The following MASP2 variants were observed in gnomAD, a reference collection of about 807,000 sequenced individuals.
The protein encoded by MASP2 is mannan-binding lectin serine protease 2.
MASP2 carries 49 observed loss-of-function variants against 57.1 expected under a neutral mutation model. The observed-to-expected ratio is 0.86, with a 90% CI of 0.68 to 1.09. MASP2 has a LOEUF of 1.09. Among genes scored for constraint, MASP2 ranks in the 50% least tolerant of loss-of-function variants. The pLI is 0.00. For missense variants in MASP2, 900 were observed against 874.8 expected, an observed-to-expected ratio of 1.03 and a Z score of -0.36; for synonymous variants, 379 against 340.8, an observed-to-expected ratio of 1.11 and a Z score of -1.24.
At chr1:11,036,621 G>T (rs1225249906) in intron 7 of MASP2, among the ~76,000 whole-genome samples, 1 of 140,284 alleles carries the variant, frequency 7.1e-6, no homozygotes, top group African/African-American at 2.8e-5. Context: ...GGTGGGAAAA[G>T]TGTCTCTCTT....
chr1:11,041,374 A>AGATGGATGGATGGATG (rs144619009), intron 6 of MASP2, among the ~76,000 whole-genome samples: 3 of 107,474 alleles, frequency 2.8e-5, no homozygotes, highest in East Asian at 3.4e-4. Context: ...AAGAATTGGC[A>AGATGGATGGATGGATG]GATGGATGGA....
rs1289505941 is a variant in MASP2, at chr1:11,027,516, CA to C, written c.1429del (p.Trp477GlyfsTer3). 6.2e-7 allele frequency: 1 copy of C among 1,614,112 alleles called. No homozygotes were observed. The highest frequency in any genetic ancestry group is 2.2e-5 in the East Asian group (1 of 44,884). On this transcript the variant is annotated frameshift_variant, in exon 11 of 11. Transcript: ENST00000400897. LOFTEE classifies it low-confidence loss of function (END_TRUNC). ...GACGGCATGAGCAGCTGTTAGGACC[CA>C]GTTGTCATATAAAAGTGCACCTGCT... ...TAAGALLYDN[W>X]VLTAAHAVYE...
At chr1:11,035,959 C>A (rs1643883247) in intron 7 of MASP2, among the ~76,000 whole-genome samples, 1 of 150,424 alleles carries the variant, frequency 6.6e-6, no homozygotes, top group Non-Finnish European at 1.5e-5. Context: ...CAGGTGTGAT[C>A]AGACTTGCAA....
At chr1:11,047,158 G>A (rs377519915) in intron 1 of MASP2, 39 bp from the exon 2 acceptor site, 162 of 1,554,138 alleles carry the variant, frequency 1.0e-4, no homozygotes, top group Non-Finnish European at 1.4e-4. Flanking sequence ...CCAGGCCTGT[G>A]CTCCCACCCC....
chr1:11,045,970 C>G (rs1417904708), intron 3 of MASP2: 4 of 206,682 alleles, frequency 1.9e-5, no homozygotes, highest in African/African-American at 9.3e-5. Context: ...TGGCAGGGCC[C>G]CACTTTGTCA....
rs767658499 is a variant in MASP2, at chr1:11,027,112, C to A, written c.1834G>T (p.Val612Leu). The stretch of plus-strand genomic sequence containing the variant: ...CCAGCACAAAGCATGTTAGCAGTTA[C>A]ACTTCCCCTTGGATAGGGTGGCTTT... ...YEKPPYPRGS[V>L]TANMLCAGLE... Residue 612 changes from valine (V) to leucine (L), a missense_variant, in exon 11 of 11, where the codon GTA becomes TTA. Val to Leu is a conservative substitution (Grantham distance 32). Coordinates refer to ENST00000400897, the MANE Select transcript of MASP2 (RefSeq NM_006610.4). 18 of 1,609,914 alleles carry A rather than the reference C, an allele frequency of 1.1e-5. No individual in the cohort carries two copies. Among genetic ancestry groups the A allele is most frequent in the East Asian group, 4.5e-5 (2 of 44,864 alleles).
intron 8 of MASP2, among the ~76,000 whole-genome samples, chr1:11,032,607 T>C (rs1254294819): frequency 9.4e-6 from 1 of 106,390 alleles, no homozygotes; most frequent in East Asian, 3.4e-4. Flanking sequence ...TGAGACCCCG[T>C]CAAAAAAAAA....
At chr1:11,031,019 A>G (rs1643835047) in intron 8 of MASP2, 137 bp from the exon 9 acceptor site, 3 of 782,566 alleles carry the variant, frequency 3.8e-6, no homozygotes, top group South Asian at 2.0e-5. Flanking sequence ...CCTGGGCAAC[A>G]TGGCAAGACC....
chr1:11,029,455 A>T (rs1038988988), intron 10 of MASP2, among the ~76,000 whole-genome samples: 2 of 146,798 alleles, frequency 1.4e-5, no homozygotes, highest in African/African-American at 2.5e-5. Flanking sequence ...AATTCTGGTT[A>T]AAAAAAAAAG....
chr1:11,045,119 ACCC>A, intron 4 of MASP2: 1 of 753,184 alleles, frequency 1.3e-6, no homozygotes. Context: ...AGGGCTAGAT[ACCC>A]CCGACTCTCC....
At position 11,042,947 on chromosome 1, in the gene MASP2, T is replaced by TGTTG. The variant is rs764693210; in HGVS notation, c.813_816dup (p.Thr273GlnfsTer11). 19 of 1,613,776 alleles carry TGTTG rather than the reference T, an allele frequency of 1.2e-5. No homozygotes were observed. In the East Asian group the frequency reaches 4.2e-4, roughly 36 times the overall value. On this transcript the variant is annotated frameshift_variant, in exon 6 of 11. Transcript: ENST00000400897. LOFTEE classifies it high-confidence loss of function. ...TCTGTGACAAAGGTGATGGTCACCG[T>TGTTG]GTTGCTTTTTGTTTCAATCCTGTGG...
At chr1:11,046,495 C>T in intron 3 of MASP2, 61 bp downstream of exon 3, 5 of 1,592,936 alleles carry the variant, frequency 3.1e-6, no homozygotes, top group Non-Finnish European at 4.3e-6. Flanking sequence ...TGGCCTAAGA[C>T]AGAGTTACCC....
chr1:11,045,252 G>T, intron 4 of MASP2, 156 bp downstream of exon 4: 1 of 1,098,080 alleles, frequency 9.1e-7, no homozygotes, highest in Non-Finnish European at 1.4e-6. Context: ...GAGAGGGGAA[G>T]CAGGGCTGAG....
chr1:11,031,205 C>G (rs1316257734), intron 8 of MASP2, among the ~76,000 whole-genome samples: 2 of 151,780 alleles, frequency 1.3e-5, no homozygotes, highest in African/African-American at 2.4e-5. Flanking sequence ...ACCCAGAGCT[C>G]CTTAGCACCC....
chr1:11,043,586 T>G (rs1406733044), intron 4 of MASP2, 51 bp from the exon 5 acceptor site: 8 of 1,295,210 alleles, frequency 6.2e-6, no homozygotes, highest in Admixed American at 6.0e-5. Context: ...CTATCAGCCC[T>G]CGCACCAACA....
At chr1:11,043,638 T>G (rs1420047049) in intron 4 of MASP2, 103 bp from the exon 5 acceptor site, 2 of 794,196 alleles carry the variant, frequency 2.5e-6, no homozygotes, top group Admixed American at 4.7e-5. Flanking sequence ...GGGACAGGGA[T>G]GTGGCTGGGA....
intron 5 of MASP2, 108 bp from the exon 6 acceptor site, chr1:11,043,130 C>A: frequency 2.4e-6 from 3 of 1,267,404 alleles, no homozygotes; most frequent in Admixed American, 1.9e-5. Context: ...ATGAGGCCAA[C>A]CCAGGCCATG....
chr1:11,031,029 C>A, intron 8 of MASP2, 147 bp from the exon 9 acceptor site: 1 of 726,008 alleles, frequency 1.4e-6, no homozygotes, highest in South Asian at 2.0e-5. Context: ...ATGGCAAGAC[C>A]CCCTCTCTAC....
chr1:11,041,104 T>TGGGTGG (rs61301603), intron 6 of MASP2, among the ~76,000 whole-genome samples: 1 of 135,084 alleles, frequency 7.4e-6, no homozygotes, highest in Admixed American at 7.3e-5. Flanking sequence ...GAAGGATGGA[T>TGGGTGG]AGATGGATGG....
Sources: allele counts gnomAD v4.1 joint callset (sites outside exome capture counted in the v4.1 genomes callset), GRCh38; gene constraint gnomAD v4.1.1; transcripts MANE v1.5; gene names NCBI Gene and HGNC (gene_info 2026-07-23, HGNC 2026-07-21).